The following TAOK1 variants were observed in gnomAD, a reference collection of about 807,000 sequenced individuals.
The protein encoded by TAOK1 is TAO kinase 1.
In TAOK1, 21 loss-of-function variants were observed where a neutral mutation model predicts 138.3. The observed-to-expected ratio is 0.15, with a 90% CI of 0.11 to 0.22. The LOEUF (loss-of-function observed/expected upper bound fraction) is 0.22. TAOK1 is among the 10% of genes least tolerant of loss of function. TAOK1 has a pLI of 1.00. For missense variants in TAOK1, 651 were observed against 1,227.7 expected (o/e 0.53, Z 7.02); for synonymous variants, 361 against 398.4 (o/e 0.91, Z 1.12).
rs771981408 is a variant in TAOK1 at position 29,495,626 on chromosome 17, G to A, written c.898G>A (p.Ala300Thr). Residue 300 changes from alanine (A) to threonine (T), a missense_variant, in exon 11 of 20, where the codon GCA becomes ACA. Physicochemically the swap from Ala to Thr is moderately conservative, Grantham distance 58. Coordinates refer to ENST00000261716, the MANE Select transcript of TAOK1 (RefSeq NM_020791.4). The part of the protein sequence containing the change: ...LIDLIQRTKD[A>T]VRELDNLQYR... The stretch of plus-strand genomic sequence containing the variant: ...AGATCTCATTCAGAGGACAAAGGAT[G>A]CAGTAAGAGAGCTGGACAATCTGCA... 6.2e-7 allele frequency: 1 copy of A among 1,611,948 alleles called. No homozygotes were observed. Among genetic ancestry groups the A allele is most frequent in the Non-Finnish European group, 8.5e-7 (1 of 1,178,578 alleles).
intron 19 of TAOK1, among the ~76,000 whole-genome samples, chr17:29,538,601 G>A (rs1188492638): frequency 6.6e-6 from 1 of 152,174 alleles, no homozygotes; most frequent in African/African-American, 2.4e-5. Flanking sequence ...ATATAAGAAG[G>A]AGACATCTGA....
intron 1 of TAOK1, among the ~76,000 whole-genome samples, chr17:29,411,375 G>A (rs778922208): frequency 1.3e-5 from 2 of 151,908 alleles, no homozygotes; most frequent in Non-Finnish European, 2.9e-5. Context: ...ACAGGCGTGA[G>A]CCACCGCGCC....
intron 1 of TAOK1, among the ~76,000 whole-genome samples, chr17:29,399,097 C>A (rs2153019933): frequency 6.6e-6 from 1 of 151,792 alleles, no homozygotes; most frequent in East Asian, 1.9e-4. Flanking sequence ...AGTGATCCAC[C>A]CACCTTTGCC....
intron 1 of TAOK1, among the ~76,000 whole-genome samples, chr17:29,444,010 G>A (rs1238933742): frequency 6.6e-6 from 1 of 152,024 alleles, no homozygotes; most frequent in African/African-American, 2.4e-5. Context: ...AGCTACATGG[G>A]AGGCTGAGGC....
intron 12 of TAOK1, among the ~76,000 whole-genome samples, chr17:29,500,368 T>C (rs2031501622): frequency 1.3e-5 from 2 of 151,972 alleles, no homozygotes; most frequent in African/African-American, 4.8e-5. Flanking sequence ...TCACAGCTTG[T>C]GTTATTATCT....
intron 17 of TAOK1, among the ~76,000 whole-genome samples, chr17:29,528,623 T>C (rs2032051728): frequency 6.6e-6 from 1 of 151,876 alleles, no homozygotes; most frequent in Non-Finnish European, 1.5e-5. Flanking sequence ...GCGGTTTGCC[T>C]GAGGTCAGGA....
chr17:29,418,295 C>T (rs915359761), intron 1 of TAOK1, among the ~76,000 whole-genome samples: 3 of 152,198 alleles, frequency 2.0e-5, no homozygotes, highest in African/African-American at 7.2e-5. Context: ...GTGATCCTCA[C>T]ATCTCAGACT....
At chr17:29,422,979 C>T (rs980558628) in intron 1 of TAOK1, among the ~76,000 whole-genome samples, 2 of 152,022 alleles carry the variant, frequency 1.3e-5, no homozygotes, top group Non-Finnish European at 2.9e-5. Flanking sequence ...GAGTTGAGAT[C>T]GCCTCATTGC....
chr17:29,521,110 T>C (rs1437654285), intron 16 of TAOK1, among the ~76,000 whole-genome samples: 1 of 152,202 alleles, frequency 6.6e-6, no homozygotes, highest in Non-Finnish European at 1.5e-5. Flanking sequence ...GTTATGTGCC[T>C]AAAACATATA....
At chr17:29,503,865 A>G (rs566796984) in intron 13 of TAOK1, among the ~76,000 whole-genome samples, 2 of 152,008 alleles carry the variant, frequency 1.3e-5, no homozygotes, top group East Asian at 1.9e-4. Context: ...AATCCCAGCA[A>G]TTTGGGAGGC....
rs1278242793 is a variant in TAOK1, at chr17:29,546,188, T to A, written c.*3166T>A. ...AATTCTTATTCGCCATTTCAATACC[T>A]AGAGATAGAGAGTCTTGTATTTGAA... On this transcript the variant is annotated 3_prime_UTR_variant, in exon 20 of 20. Transcript: ENST00000261716. 6.6e-6 allele frequency: 1 copy of A among 152,116 alleles called. No homozygotes were observed. The allele number at this position is 152,116 out of a possible 1,614,324, so 9.4% of individuals were successfully genotyped here. A position where few individuals can be genotyped will look rare whatever the true frequency, so the allele number is the denominator to read the frequency against.
At chr17:29,397,039 A>T (rs1904629219) in intron 1 of TAOK1, among the ~76,000 whole-genome samples, 1 of 97,568 alleles carries the variant, frequency 1.0e-5, no homozygotes, top group African/African-American at 5.2e-5. Context: ...TCACGCCTGT[A>T]ATCCCAGCAC....
At chr17:29,470,856 C>T (rs1410786016) in intron 3 of TAOK1, among the ~76,000 whole-genome samples, 1 of 152,310 alleles carries the variant, frequency 6.6e-6, no homozygotes, top group East Asian at 1.9e-4. Context: ...GGCACAGTGG[C>T]TTACGCCTGT....
intron 18 of TAOK1, among the ~76,000 whole-genome samples, chr17:29,531,274 T>A (rs3110497): frequency 0.35 from 53,599 of 151,016 alleles, 11,356 homozygotes; most frequent in Non-Finnish European, 0.48. Flanking sequence ...GCTACAAATT[T>A]TTTATTTATT....
chr17:29,498,176 G>A, intron 11 of TAOK1, 142 bp from the exon 12 acceptor site: 1 of 755,998 alleles, frequency 1.3e-6, no homozygotes, highest in Non-Finnish European at 2.1e-6. Context: ...TCCTGGTCTT[G>A]GAAAATAAAA....
intron 1 of TAOK1, among the ~76,000 whole-genome samples, chr17:29,441,146 C>T (rs556904881): frequency 2.2e-4 from 33 of 152,122 alleles, no homozygotes; most frequent in African/African-American, 5.8e-4. Flanking sequence ...ATTTTTTCTT[C>T]TTGTGATATC....
chr17:29,440,081 C>T (rs1489492884), intron 1 of TAOK1, among the ~76,000 whole-genome samples: 1 of 151,982 alleles, frequency 6.6e-6, no homozygotes, highest in African/African-American at 2.4e-5. Flanking sequence ...AGATTTTGAG[C>T]TATGATATTA....
chr17:29,530,676 T>G, intron 18 of TAOK1, 57 bp downstream of exon 18: 1 of 1,419,158 alleles, frequency 7.0e-7, no homozygotes, highest in South Asian at 1.2e-5. Context: ...TTCCACCACC[T>G]GAACGAAATC....
At chr17:29,489,988 A>G (rs1261251593) in intron 9 of TAOK1, among the ~76,000 whole-genome samples, 2 of 152,092 alleles carry the variant, frequency 1.3e-5, no homozygotes, top group Non-Finnish European at 1.5e-5. Flanking sequence ...TGAATGCAAA[A>G]AGTATTCATT....
Sources: allele counts gnomAD v4.1 joint callset (sites outside exome capture counted in the v4.1 genomes callset), GRCh38; gene constraint gnomAD v4.1.1; transcripts MANE v1.5; gene names NCBI Gene and HGNC (gene_info 2026-07-23, HGNC 2026-07-21).